FAT1: variants seen among roughly 807,000 people sequenced by gnomAD.
FAT1 encodes protocadherin Fat 1.
In FAT1, 171 loss-of-function variants were observed where a neutral mutation model predicts 329.8. The observed-to-expected ratio is 0.52, with a 90% CI of 0.46 to 0.59. The LOEUF is 0.59. Among genes scored for constraint, FAT1 ranks in the 20% least tolerant of loss-of-function variants. The pLI, the probability that FAT1 is intolerant of heterozygous loss-of-function variation, is 0.00. For synonymous variants in FAT1, 2,233 were observed against 2,228.6 expected (o/e 1.00, Z -0.06); for missense variants, 5,672 against 5,774.4 (o/e 0.98, Z 0.57).
chr4:186,608,547 TTTTTC>T, intron 16 of FAT1, among the ~76,000 whole-genome samples: 1 of 152,020 alleles, frequency 6.6e-6, no homozygotes, highest in Non-Finnish European at 1.5e-5. Flanking sequence ...CACCCGACAT[TTTTTC>T]TTTTCTAATA....
chr4:186,700,816 G>T (rs1409966544), intron 2 of FAT1, among the ~76,000 whole-genome samples: 8 of 152,184 alleles, frequency 5.3e-5, no homozygotes, highest in Non-Finnish European at 1.0e-4. Context: ...CACACAGAAT[G>T]CCGGGCCCAG....
At position 186,596,602 on chromosome 4, in the gene FAT1, G is replaced by C. The variant is rs778042377; in HGVS notation, c.12938C>G (p.Pro4313Arg). The change falls in exon 25 of 27, where the codon CCT (proline) becomes CGT (arginine). Residue 4313 changes from proline to arginine, a missense_variant. Coordinates refer to ENST00000441802, the MANE Select transcript of FAT1 (RefSeq NM_005245.4). This position sits in a 1 kb window ranked among gnomAD's most constrained non-coding sequence, Gnocchi z 4.7. Reference protein sequence around the residue: ...SVAPNLPPPPPSNSPSDSDSI... With the variant: ...SVAPNLPPPPRSNSPSDSDSI... The stretch of plus-strand genomic sequence containing the variant: ...GTCGCTGTCAGAAGGGGAGTTTGAA[G>C]GGGGTGGGGGAGGCAGGTTTGGCGC... The C allele has an allele frequency of 8.1e-6, 13 of 1,612,708 alleles. No homozygotes were observed. The highest frequency in any genetic ancestry group is 9.3e-6 in the Non-Finnish European group (11 of 1,179,414).
At chr4:186,715,806 AAGG>A (rs1417980466) in intron 1 of FAT1, among the ~76,000 whole-genome samples, 1 of 152,230 alleles carries the variant, frequency 6.6e-6, no homozygotes, top group Non-Finnish European at 1.5e-5. Context: ...TCTAGCCTTG[AAGG>A]AGAAGGGCTC....
At chr4:186,635,441 C>T (rs1740779913) in intron 6 of FAT1, among the ~76,000 whole-genome samples, 1 of 152,192 alleles carries the variant, frequency 6.6e-6, no homozygotes, top group Non-Finnish European at 1.5e-5. Context: ...GTAAACTTTA[C>T]TGGAGGATGA....
rs770261577 is a variant in FAT1, at chr4:186,707,941, C to T, written c.1887G>A (p.Ser629=). The T allele has an allele frequency of 1.2e-5, 20 of 1,613,820 alleles. No individual in the cohort carries two copies. Among genetic ancestry groups the T allele is most frequent in the Middle Eastern group, 1.6e-4 (1 of 6,084 alleles). The part of the protein sequence containing the change: ...PNSGVLSLKR[S]LMDGLGAKVS... ...CCTTTGCACCTAAGCCATCCATTAG[C>T]GATCGCTTTAATGACAATACCCCCG... The change falls in exon 2 of 27, where the codon TCG becomes TCA. Residue 629 remains serine (S), a synonymous_variant. Coordinates refer to ENST00000441802, the MANE Select transcript of FAT1 (RefSeq NM_005245.4).
chr4:186,686,069 A>AC (rs1743445239), intron 2 of FAT1, among the ~76,000 whole-genome samples: 2 of 152,240 alleles, frequency 1.3e-5, no homozygotes, highest in African/African-American at 4.8e-5. Flanking sequence ...GCTGTAATCA[A>AC]CCAACTGTTC....
intron 9 of FAT1, among the ~76,000 whole-genome samples, chr4:186,626,674 C>T (rs1234440918): frequency 2.3e-5 from 3 of 131,156 alleles, no homozygotes; most frequent in African/African-American, 8.9e-5. Flanking sequence ...GAATGAGGGA[C>T]CAACATGGCA....
chr4:186,664,013 G>A (rs956107646), intron 2 of FAT1, among the ~76,000 whole-genome samples: 3 of 152,062 alleles, frequency 2.0e-5, no homozygotes, highest in Non-Finnish European at 2.9e-5. Flanking sequence ...GTTGAGAGAC[G>A]TGCTGACTTT....
intron 17 of FAT1, 96 bp downstream of exon 17, chr4:186,605,974 A>T (rs2126446258): frequency 8.3e-7 from 1 of 1,200,086 alleles, no homozygotes; most frequent in Non-Finnish European, 1.2e-6. Flanking sequence ...CCATTTTTCT[A>T]GAAAGAAACC....
At chr4:186,610,197 G>T in intron 14 of FAT1, 182 bp from the exon 15 acceptor site, 4 of 559,144 alleles carry the variant, frequency 7.2e-6, no homozygotes, top group South Asian at 7.0e-5. Flanking sequence ...GCCCATCCCT[G>T]GATCTTTATT....
Position 186,621,693 on chromosome 4 carries a change from C to T in FAT1, c.4893G>A (p.Ala1631=), listed in dbSNP as rs765895013. The change falls in exon 10 of 27, where the codon GCG becomes GCA. Residue 1631 remains alanine (A), a synonymous_variant. Coordinates refer to ENST00000441802, the MANE Select transcript of FAT1 (RefSeq NM_005245.4). ...TAGCTTTTACCATTAAATCATACTC[C>T]GCTTGGTTACTTCGATCTAATTCTT... The part of the protein sequence containing the change: ...TAKELDRSNQ[A]EYDLMVKATD... The T allele has an allele frequency of 8.7e-6, 14 of 1,613,616 alleles. No individual in the cohort carries two copies. The highest frequency in any genetic ancestry group is 3.3e-5 in the Admixed American group (2 of 59,972).
At chr4:186,664,999 C>A (rs1473911593) in intron 2 of FAT1, among the ~76,000 whole-genome samples, 1 of 152,152 alleles carries the variant, frequency 6.6e-6, no homozygotes, top group Non-Finnish European at 1.5e-5. Context: ...AGGTTAATAT[C>A]AGAAAAACTC....
intron 13 of FAT1, among the ~76,000 whole-genome samples, chr4:186,612,313 C>T (rs180885094): frequency 1.3e-5 from 2 of 152,176 alleles, no homozygotes; most frequent in African/African-American, 4.8e-5. Flanking sequence ...ACCTAACAAA[C>T]CTTTACAAAT....
chr4:186,614,239 T>C lies in FAT1; in HGVS notation c.9181A>G (p.Thr3061Ala). Reference sequence around the variant, plus strand: ...TTTTCTGCACCTGAACCCAATAACGTGTAAGTAATTTCAGCGTTAGAGCGG... The same window carrying C: ...TTTTCTGCACCTGAACCCAATAACGCGTAAGTAATTTCAGCGTTAGAGCGG... The part of the protein sequence containing the change: ...DIRSNAEITY[T>A]LLGSGAEKFK... Residue 3061 changes from threonine to alanine, a missense_variant, in exon 12 of 27, where the codon ACG becomes GCG. By Grantham distance (58) the Thr-to-Ala change is moderately conservative (BLOSUM62 0). Coordinates refer to ENST00000441802, the MANE Select transcript of FAT1 (RefSeq NM_005245.4). The C allele has an allele frequency of 6.2e-7, 1 of 1,601,636 alleles. No individual in the cohort carries two copies. The highest frequency in any genetic ancestry group is 8.5e-7 in the Non-Finnish European group (1 of 1,176,280).
Position 186,620,633 on chromosome 4 carries a change from A to G in FAT1, c.5953T>C (p.Ser1985Pro), listed in dbSNP as rs776092441. The G allele has an allele frequency of 4.3e-6, 7 of 1,613,900 alleles. No individual in the cohort carries two copies. In the South Asian group the frequency reaches 6.6e-5, roughly 15 times the overall value. ...GTGGAATTCTCTTTCACTACCGCAG[A>G]GTAGACATCCTGGGTAAACTTTAGG... ...SHLKFTQDVY[S>P]AVVKENSTEA... The change falls in exon 10 of 27, where the codon TCT becomes CCT. Residue 1985 changes from serine (S) to proline (P), a missense_variant. Ser to Pro is a moderately conservative substitution (Grantham distance 74, BLOSUM62 -1). Transcript: ENST00000441802.
chr4:186,639,916 T>C, intron 3 of FAT1, 133 bp from the exon 4 acceptor site: 1 of 684,186 alleles, frequency 1.5e-6, no homozygotes, highest in Non-Finnish European at 2.5e-6. Flanking sequence ...CCCAGGGGGG[T>C]GGATTACTTA....
intron 1 of FAT1, 124 bp from the exon 2 acceptor site, chr4:186,709,969 G>C (rs554676447): frequency 2.4e-6 from 2 of 845,256 alleles, no homozygotes; most frequent in African/African-American, 3.4e-5. Flanking sequence ...TAAATGCAAC[G>C]GTTTGGGATG....
intron 10 of FAT1, 44 bp downstream of exon 10, chr4:186,617,664 A>G: frequency 2.7e-6 from 4 of 1,468,424 alleles, no homozygotes; most frequent in Non-Finnish European, 3.7e-6. Context: ...GCTTCTAAAA[A>G]TCATTTTAAA....
chr4:186,682,664 A>C (rs1425223127), intron 2 of FAT1, among the ~76,000 whole-genome samples: 5 of 152,238 alleles, frequency 3.3e-5, no homozygotes, highest in Non-Finnish European at 7.3e-5. Flanking sequence ...TTAAAACAGC[A>C]ATCTTATTTC....
Sources: gnomAD v4.1 joint callset for allele counts (sites outside exome capture counted in the v4.1 genomes callset) on GRCh38, gnomAD v4.1.1 for gene constraint, Gnocchi (gnomAD v3.1) non-coding constraint, MANE v1.5 for transcripts, NCBI Gene and HGNC (gene_info 2026-07-23, HGNC 2026-07-21) for gene names.